RPS6KA2: variants seen among roughly 807,000 people sequenced by gnomAD.
The protein encoded by RPS6KA2 is ribosomal protein S6 kinase A2.
Under a neutral mutation model 91.8 loss-of-function variants are expected in RPS6KA2, and 42 were observed. That is an observed-to-expected ratio of 0.46 (90% CI 0.36 to 0.59). The LOEUF is 0.59. Among genes scored for constraint, RPS6KA2 ranks in the 20% least tolerant of loss-of-function variants. The probability of loss-of-function intolerance (pLI) is 0.00; values close to 1 mark genes in which losing one functional copy is unlikely to be tolerated. For missense variants in RPS6KA2, 798 were observed against 978.5 expected (o/e 0.82, Z 2.46); for synonymous variants, 414 against 393.6 (o/e 1.05, Z -0.61).
intron 2 of RPS6KA2, among the ~76,000 whole-genome samples, chr6:166,695,979 A>C (rs1006652282): frequency 1.6e-4 from 25 of 152,348 alleles, no homozygotes; most frequent in Non-Finnish European, 3.1e-4. Context: ...CACACTCCTT[A>C]TGAGAATCCA....
Position 166,574,420 on chromosome 6 carries a change from C to T in RPS6KA2, c.100-35636G>A, listed in dbSNP as rs769126044. 7.7e-4 allele frequency among the ~76,000 whole-genome samples: 117 copies of T among 152,210 alleles called. 2 individuals are homozygous for T. The highest frequency in any genetic ancestry group is 6.5e-4 in the Admixed American group (10 of 15,286). ...TAAGTGAGAACATGCATTTGGTTTT[C>T]TGTCCCTGAATTAATTTGCTTGGGA... On this transcript the variant is annotated intron_variant, in intron 1 of 20. Coordinates refer to ENST00000265678, the MANE Select transcript of RPS6KA2 (RefSeq NM_021135.6).
At chr6:166,721,628 G>A (rs527354438) in intron 2 of RPS6KA2, among the ~76,000 whole-genome samples, 95 of 152,354 alleles carry the variant, frequency 6.2e-4, no homozygotes, top group Non-Finnish European at 1.0e-3. Context: ...CTGGGTGATC[G>A]CAGTGGGTCT....
chr6:166,613,889 G>A (rs1441420288), intron 1 of RPS6KA2, among the ~76,000 whole-genome samples: 2 of 150,294 alleles, frequency 1.3e-5, no homozygotes, highest in East Asian at 2.0e-4. Flanking sequence ...GGACACAGTC[G>A]GGCTTTCCAT....
At chr6:166,427,921 G>T (rs917654158) in intron 16 of RPS6KA2, among the ~76,000 whole-genome samples, 5 of 152,092 alleles carry the variant, frequency 3.3e-5, no homozygotes, top group Admixed American at 6.5e-5. Flanking sequence ...AGCTACCAAT[G>T]ACTTTCTTCA....
intron 1 of RPS6KA2, among the ~76,000 whole-genome samples, chr6:166,599,798 C>T (rs185045914): frequency 6.6e-6 from 1 of 152,212 alleles, no homozygotes; most frequent in African/African-American, 2.4e-5. Flanking sequence ...GGAGAAACGA[C>T]ACAGGCTTCT....
intron 20 of RPS6KA2, 67 bp downstream of exon 20, chr6:166,413,727 A>G: frequency 4.6e-6 from 7 of 1,537,248 alleles, no homozygotes; most frequent in Non-Finnish European, 6.2e-6. Flanking sequence ...GAGTGATTGC[A>G]AGGTATCAGG....
chr6:166,772,050 T>A (rs1269752648), intron 2 of RPS6KA2, among the ~76,000 whole-genome samples: 1 of 152,198 alleles, frequency 6.6e-6, no homozygotes, highest in Non-Finnish European at 1.5e-5. Flanking sequence ...CGGTAATTAA[T>A]AACTGGCAAG....
At chr6:166,439,398 G>A (rs933519216) in intron 14 of RPS6KA2, among the ~76,000 whole-genome samples, 2 of 152,160 alleles carry the variant, frequency 1.3e-5, no homozygotes, top group Non-Finnish European at 2.9e-5. Context: ...ATGAGCCACC[G>A]TGCCCGGCCA....
intron 2 of RPS6KA2, among the ~76,000 whole-genome samples, chr6:166,728,884 C>T (rs1790427602): frequency 6.6e-6 from 1 of 152,198 alleles, no homozygotes; most frequent in Non-Finnish European, 1.5e-5. Flanking sequence ...TGTGCTAAAA[C>T]TGGCATTTCT....
chr6:166,491,550 A>G (rs891002515), intron 8 of RPS6KA2, among the ~76,000 whole-genome samples: 8 of 152,230 alleles, frequency 5.3e-5, no homozygotes, highest in African/African-American at 1.9e-4. Context: ...TCTAAGTGGA[A>G]TGTGCCCAAG....
chr6:166,656,286 G>T (rs912287692), intron 2 of RPS6KA2, among the ~76,000 whole-genome samples: 6 of 152,234 alleles, frequency 3.9e-5, no homozygotes, highest in Non-Finnish European at 7.3e-5. Flanking sequence ...GGGAGGGAGG[G>T]GAGAGGCAGG....
At chr6:166,463,408 C>T (rs1277297107) in intron 11 of RPS6KA2, 1 of 152,154 alleles carries the variant, frequency 6.6e-6, no homozygotes, top group Non-Finnish European at 1.5e-5. Flanking sequence ...ATGCCGAAAC[C>T]GACGAGAGAA....
intron 2 of RPS6KA2, among the ~76,000 whole-genome samples, chr6:166,771,416 G>A (rs144621694): frequency 5.9e-5 from 9 of 152,264 alleles, no homozygotes; most frequent in Non-Finnish European, 1.0e-4. Context: ...GCTTAAACCC[G>A]GAAGCGCGTG....
intron 12 of RPS6KA2, among the ~76,000 whole-genome samples, chr6:166,458,544 C>A (rs1780175718): frequency 6.6e-6 from 1 of 152,146 alleles, no homozygotes; most frequent in Non-Finnish European, 1.5e-5. Flanking sequence ...AAGAGAATAA[C>A]TGAAGTTAAG....
intron 2 of RPS6KA2, among the ~76,000 whole-genome samples, chr6:166,831,468 C>A (rs1280788927): frequency 6.6e-6 from 1 of 152,022 alleles, no homozygotes. Context: ...CCCTGCCAGA[C>A]AGAAAGCTTC....
Position 166,412,672 on chromosome 6 carries a change from G to A in RPS6KA2, c.*90C>T. 1.5e-6 allele frequency: 2 copies of A among 1,321,888 alleles called. No homozygotes were observed. The highest frequency in any genetic ancestry group is 5.1e-5 in the East Asian group (2 of 39,342). 81.9% of individuals were successfully genotyped at this position (1,321,888 alleles called of 1,614,324 possible). On this transcript the variant is annotated 3_prime_UTR_variant, in exon 21 of 21. Coordinates refer to ENST00000265678, the MANE Select transcript of RPS6KA2 (RefSeq NM_021135.6). This position sits in a 1 kb window ranked among gnomAD's most constrained non-coding sequence, Gnocchi z 4.3. ...GCGCCGCCTCCCTGCTGGACTTGTG[G>A]TCACTCTGGGTGCCAGACGGGCTCC...
upstream of RPS6KA2, among the ~76,000 whole-genome samples, chr6:166,630,775 AAGG>A (rs1469079914): frequency 7.2e-5 from 11 of 152,356 alleles, no homozygotes; most frequent in African/African-American, 2.4e-4. Context: ...AGTGTACAGA[AAGG>A]AATCCTTTTC....
chr6:166,719,716 G>A (rs757951336), intron 2 of RPS6KA2, among the ~76,000 whole-genome samples: 2 of 152,178 alleles, frequency 1.3e-5, no homozygotes, highest in African/African-American at 4.8e-5. Flanking sequence ...CATCAACGGA[G>A]GGATAGTCAA....
rs143479628 is a variant in RPS6KA2, at chr6:166,689,921, G to C, written c.124-151137C>G. Among the ~76,000 whole-genome samples the C allele has an allele frequency of 7.1e-3, 1,084 of 152,368 alleles. 11 individuals are homozygous for C. The highest frequency in any genetic ancestry group is 0.024 in the African/African-American group (1,016 of 41,590). On this transcript the variant is annotated intron_variant, in intron 2 of 21. Coordinates refer to the RPS6KA2 transcript ENST00000503859. The stretch of plus-strand genomic sequence containing the variant: ...AGGCCAAGTGGCAGGAAGCAAAGCT[G>C]AGGCCCACCCACCTCACCAGGAGGC...
Sources: allele counts gnomAD v4.1 joint callset (sites outside exome capture counted in the v4.1 genomes callset), GRCh38; gene constraint gnomAD v4.1.1; non-coding constraint Gnocchi (gnomAD v3.1); transcripts MANE v1.5; gene names NCBI Gene and HGNC (gene_info 2026-07-23, HGNC 2026-07-21).